SLC35F1: variants seen among roughly 807,000 people sequenced by gnomAD.
SLC35F1 encodes the protein solute carrier family 35 member F1.
In SLC35F1, 14 loss-of-function variants were observed where a neutral mutation model predicts 48.7. The ratio of observed to expected loss-of-function variants is 0.29; its 90% CI spans 0.19 to 0.45. SLC35F1 has a LOEUF of 0.45. Among genes scored for constraint, SLC35F1 ranks in the 20% least tolerant of loss-of-function variants. The probability of loss-of-function intolerance (pLI) is 1.00; values close to 1 mark genes in which losing one functional copy is unlikely to be tolerated. For missense variants in SLC35F1, 404 were observed against 500.0 expected, an observed-to-expected ratio of 0.81 and a Z score of 1.83; for synonymous variants, 190 against 202.2, an observed-to-expected ratio of 0.94 and a Z score of 0.51.
chr6:118,071,765 A>T (rs1351437020), intron 1 of SLC35F1, among the ~76,000 whole-genome samples: 1 of 152,078 alleles, frequency 6.6e-6, no homozygotes, highest in Non-Finnish European at 1.5e-5. Flanking sequence ...TCTTTTAAGC[A>T]CCTGCTATGG....
At chr6:118,193,108 C>A (rs900338676) in intron 2 of SLC35F1, among the ~76,000 whole-genome samples, 4 of 152,108 alleles carry the variant, frequency 2.6e-5, no homozygotes, top group Non-Finnish European at 5.9e-5. Flanking sequence ...AAAAATCTTT[C>A]ATTATCTTTT....
intron 2 of SLC35F1, among the ~76,000 whole-genome samples, chr6:118,191,476 T>G (rs1321246382): frequency 3.3e-5 from 5 of 152,198 alleles, no homozygotes; most frequent in African/African-American, 1.2e-4. Flanking sequence ...GGATACCATC[T>G]CCCTGGTTAG....
rs533656823 is a variant in SLC35F1, at chr6:118,086,008, A to G, written c.174-68437A>G. Among the ~76,000 whole-genome samples, 8 of 152,302 alleles carry G rather than the reference A, an allele frequency of 5.3e-5. No homozygotes were observed. The South Asian group carries it at 1.7e-3, about 32-fold the overall frequency. On this transcript the variant is annotated intron_variant, in intron 1 of 7. Coordinates refer to ENST00000360388, the MANE Select transcript of SLC35F1 (RefSeq NM_001029858.4). ...ATGAAACTCCAAATAAAGCCAGAGA[A>G]GAAAGGTTTAAAAATTCTCCAACAC...
At chr6:118,189,547 T>G (rs542545147) in intron 2 of SLC35F1, among the ~76,000 whole-genome samples, 5 of 152,344 alleles carry the variant, frequency 3.3e-5, no homozygotes, top group Admixed American at 2.6e-4. Flanking sequence ...TTCACAAATG[T>G]TTTCTCCCAA....
chr6:118,221,768 C>T (rs1582737281), intron 2 of SLC35F1, among the ~76,000 whole-genome samples: 1 of 152,282 alleles, frequency 6.6e-6, no homozygotes, highest in East Asian at 1.9e-4. Context: ...CTACCCTCAC[C>T]ATTTCTCCCT....
At chr6:118,107,541 G>T (rs1032697570) in intron 1 of SLC35F1, among the ~76,000 whole-genome samples, 30 of 152,220 alleles carry the variant, frequency 2.0e-4, no homozygotes, top group African/African-American at 7.2e-4. Flanking sequence ...CTAGAAAAAT[G>T]AACACTTAGC....
At chr6:118,122,493 C>T (rs767655846) in intron 1 of SLC35F1, among the ~76,000 whole-genome samples, 10 of 152,226 alleles carry the variant, frequency 6.6e-5, no homozygotes, top group Non-Finnish European at 1.2e-4. Flanking sequence ...ATTCTGCCAA[C>T]TTCCAATTTA....
intron 1 of SLC35F1, among the ~76,000 whole-genome samples, chr6:118,007,900 A>T (rs1291055491): frequency 6.6e-6 from 1 of 152,028 alleles, no homozygotes; most frequent in East Asian, 1.9e-4. Flanking sequence ...TCTTCTTCTC[A>T]GCTCATGTTG....
chr6:117,923,701 A>ATATATGTACATATGTACATATATG (rs1582564595), intron 1 of SLC35F1, among the ~76,000 whole-genome samples: 3 of 17,506 alleles, frequency 1.7e-4, no homozygotes, highest in Non-Finnish European at 1.2e-4. Flanking sequence ...GTACATATAC[A>ATATATGTACATATGTACATATATG]TATATGTACA....
intron 1 of SLC35F1, among the ~76,000 whole-genome samples, chr6:118,028,593 G>T (rs758530961): frequency 7.9e-5 from 12 of 152,046 alleles, no homozygotes; most frequent in Non-Finnish European, 1.3e-4. Flanking sequence ...AGAAAAGAAG[G>T]CTGAAGGATG....
chr6:118,080,620 A>G (rs569175340), intron 1 of SLC35F1, among the ~76,000 whole-genome samples: 1 of 152,328 alleles, frequency 6.6e-6, no homozygotes, highest in South Asian at 2.1e-4. Context: ...TAATTGAGCT[A>G]TTAGAGGCTA....
chr6:118,046,850 A>G (rs1378137898), intron 1 of SLC35F1, among the ~76,000 whole-genome samples: 1 of 152,160 alleles, frequency 6.6e-6, no homozygotes, highest in Non-Finnish European at 1.5e-5. Flanking sequence ...ACAGTAATTT[A>G]CGTAGTGAAA....
chr6:118,286,002 A>C (rs1645964129), intron 7 of SLC35F1, among the ~76,000 whole-genome samples: 1 of 152,184 alleles, frequency 6.6e-6, no homozygotes, highest in South Asian at 2.1e-4. Context: ...ATTATGGCAC[A>C]CTGAGGTCAG....
chr6:118,293,285 G>A (rs9489332), intron 7 of SLC35F1, among the ~76,000 whole-genome samples: 4,663 of 152,264 alleles, frequency 0.031, 112 homozygotes, highest in African/African-American at 0.066. Flanking sequence ...ATTAGCAGAG[G>A]TATGTTGGTT....
intron 2 of SLC35F1, among the ~76,000 whole-genome samples, chr6:118,193,864 T>TA (rs1340310111): frequency 6.6e-5 from 10 of 152,214 alleles, no homozygotes; most frequent in Non-Finnish European, 1.2e-4. Flanking sequence ...TTTATAACCT[T>TA]AAAGCATTTA....
intron 3 of SLC35F1, among the ~76,000 whole-genome samples, chr6:118,239,624 C>G (rs1316991521): frequency 6.6e-6 from 1 of 151,922 alleles, no homozygotes; most frequent in African/African-American, 2.4e-5. Flanking sequence ...TAGCTGGTCC[C>G]CTGATCCTCA....
intron 4 of SLC35F1, among the ~76,000 whole-genome samples, chr6:118,270,170 A>T (rs1040321355): frequency 6.6e-6 from 1 of 152,190 alleles, no homozygotes; most frequent in African/African-American, 2.4e-5. Context: ...CTCCAAGCAC[A>T]TTGATGTCGG....
At chr6:118,306,211 T>C (rs570896346) in intron 7 of SLC35F1, among the ~76,000 whole-genome samples, 1 of 151,172 alleles carries the variant, frequency 6.6e-6, no homozygotes, top group African/African-American at 2.4e-5. Context: ...ATGGAACCTT[T>C]GTTCTGTCTT....
intron 2 of SLC35F1, among the ~76,000 whole-genome samples, chr6:118,161,998 A>G (rs948598033): frequency 6.6e-6 from 1 of 152,232 alleles, no homozygotes; most frequent in African/African-American, 2.4e-5. Context: ...TACATTTGCC[A>G]TGTGACTCAA....
Sources: allele counts gnomAD v4.1 joint callset (sites outside exome capture counted in the v4.1 genomes callset), GRCh38; gene constraint gnomAD v4.1.1; transcripts MANE v1.5; gene names NCBI Gene and HGNC (gene_info 2026-07-23, HGNC 2026-07-21).